Variants in EP300 observed in about 807,000 individuals in gnomAD.
EP300 encodes the protein histone acetyltransferase p300.
In EP300, 31 loss-of-function variants were observed where a neutral mutation model predicts 264.0. The ratio of observed to expected loss-of-function variants is 0.12; its 90% CI spans 0.09 to 0.16. The LOEUF (loss-of-function observed/expected upper bound fraction) is 0.16, where lower values mean the gene tolerates loss of function less well. Among genes scored for constraint, EP300 ranks in the 10% least tolerant of loss-of-function variants. The probability of loss-of-function intolerance (pLI) is 1.00; values close to 1 mark genes in which losing one functional copy is unlikely to be tolerated. For missense variants in EP300, 2,766 were observed against 3,052.9 expected (o/e 0.91, Z 2.21); for synonymous variants, 1,340 against 1,045.4 (o/e 1.28, Z -5.44).
At chr22:41,096,949 G>A (rs1339714752) in intron 1 of EP300, among the ~76,000 whole-genome samples, 1 of 152,102 alleles carries the variant, frequency 6.6e-6, no homozygotes, top group African/African-American at 2.4e-5. Flanking sequence ...ATGCCATTGT[G>A]TTAGTGGTTC....
In EP300 at chr22:41,099,158, G is replaced by A. The variant is rs146099290; in HGVS notation, c.94+6060G>A. Among the ~76,000 whole-genome samples the A allele has an allele frequency of 6.9e-3, 1,049 of 151,974 alleles. 3 individuals are homozygous for A. The highest frequency in any genetic ancestry group is 0.011 in the Non-Finnish European group (779 of 67,982). On this transcript the variant is annotated intron_variant, in intron 1 of 30. Coordinates refer to ENST00000263253, the MANE Select transcript of EP300 (RefSeq NM_001429.4). ...CGGCCTATGACAACCTCCGTCTCCC[G>A]GCTTCAAGCGATTCTCCTGCTCAGC...
intron 16 of EP300, among the ~76,000 whole-genome samples, chr22:41,154,792 A>G (rs1425460977): frequency 6.6e-6 from 1 of 152,140 alleles, no homozygotes; most frequent in Admixed American, 6.5e-5. Flanking sequence ...ATAAGACACA[A>G]TGTTTTTTAG....
chr22:41,138,053 A>C (rs2058962021), intron 8 of EP300, among the ~76,000 whole-genome samples: 2 of 152,232 alleles, frequency 1.3e-5, no homozygotes, highest in Admixed American at 1.3e-4. Context: ...TATATTAAAC[A>C]TTGTTTTTAG....
At position 41,140,325 on chromosome 22, in the gene EP300, A is replaced by G. The variant is rs1281069474; in HGVS notation, c.1878+68A>G. 5.7e-6 allele frequency: 6 copies of G among 1,045,216 alleles called. No homozygotes were observed. In the Admixed American group the frequency reaches 8.4e-5, roughly 15 times the overall value. 64.7% of individuals were successfully genotyped at this position (1,045,216 alleles called of 1,614,324 possible). ...TGTTGTGGTTATTTTATTCCTCTTTAGCATGTACAAGTAGTACATATGCTT... is the reference window on the plus strand; with the variant it reads ...TGTTGTGGTTATTTTATTCCTCTTTGGCATGTACAAGTAGTACATATGCTT... On this transcript the variant is annotated intron_variant, in intron 9 of 30. Coordinates refer to ENST00000263253, the MANE Select transcript of EP300 (RefSeq NM_001429.4).
chr22:41,131,570 AAGAACCAGC>A lies in EP300; in HGVS notation c.1470_1478del (p.Asn493_Gln495del), dbSNP rs1279679956. 2.5e-6 allele frequency: 4 copies of A among 1,614,016 alleles called. No individual in the cohort carries two copies. The highest frequency in any genetic ancestry group is 1.3e-5 in the African/African-American group (1 of 74,908). The stretch of plus-strand genomic sequence containing the variant: ...GCCGACACAACCCCAGGTGCAAGCA[AAGAACCAGC>A]AGAATCAGCAGCCTGGGCAGTCTCC... On this transcript the variant is annotated inframe_deletion, in exon 6 of 31. Coordinates refer to ENST00000263253, the MANE Select transcript of EP300 (RefSeq NM_001429.4).
At chr22:41,109,625 T>G (rs1284627149) in intron 1 of EP300, among the ~76,000 whole-genome samples, 4 of 152,278 alleles carry the variant, frequency 2.6e-5, no homozygotes, top group African/African-American at 9.6e-5. Context: ...TCTAAACACT[T>G]TACATTTATT....
chr22:41,134,166 T>TC (rs994470296), intron 6 of EP300, among the ~76,000 whole-genome samples: 5 of 149,946 alleles, frequency 3.3e-5, no homozygotes, highest in African/African-American at 1.2e-4. Flanking sequence ...TTCTTTTCTT[T>TC]TTTTTTTTTT....
chr22:41,106,628 G>C (rs982148707), intron 1 of EP300, among the ~76,000 whole-genome samples: 3 of 152,146 alleles, frequency 2.0e-5, no homozygotes, highest in Non-Finnish European at 4.4e-5. Flanking sequence ...AACATTAAGT[G>C]TTTTTTGTTG....
At position 41,172,555 on chromosome 22, in the gene EP300, T is replaced by C. The variant is rs373428278; in HGVS notation, c.4509T>C (p.Tyr1503=). Reference sequence around the variant, plus strand: ...TAACAAGTGCAAAGGAATTGCCTTATTTCGAGGGTGATTTCTGGCCCAATG... The same window carrying C: ...TAACAAGTGCAAAGGAATTGCCTTACTTCGAGGGTGATTTCTGGCCCAATG... ...DRLTSAKELP[Y]FEGDFWPNVL... is the part of the protein sequence containing the mutation. Residue 1503 remains tyrosine, a synonymous_variant, in exon 28 of 31, where the codon TAT becomes TAC. Transcript: ENST00000263253. The C allele has an allele frequency of 3.4e-5, 55 of 1,613,932 alleles. No individual in the cohort carries two copies. The highest frequency in any genetic ancestry group is 4.6e-5 in the Non-Finnish European group (54 of 1,179,976).
At position 41,155,052 on chromosome 22, in the gene EP300, G is replaced by A. The variant is rs2059069219; in HGVS notation, c.3200G>A (p.Arg1067His). 1.9e-6 allele frequency: 3 copies of A among 1,613,942 alleles called. No homozygotes were observed. Among genetic ancestry groups the A allele is most frequent in the Non-Finnish European group, 2.5e-6 (3 of 1,179,960 alleles). The change falls in exon 17 of 31, where the codon CGT becomes CAT. Residue 1067 changes from arginine (R) to histidine (H), a missense_variant. Arg to His is a conservative substitution (Grantham distance 29, BLOSUM62 0). Transcript: ENST00000263253. ...ATGCCAACTTTGGAGGCACTTTACC[G>A]TCAGGATCCAGAATCCCTTCCCTTT... Reference protein sequence around the residue: ...ALMPTLEALYRQDPESLPFRQ... With the variant: ...ALMPTLEALYHQDPESLPFRQ...
At chr22:41,152,995 AT>A (rs2059055876) in intron 16 of EP300, among the ~76,000 whole-genome samples, 1 of 152,068 alleles carries the variant, frequency 6.6e-6, no homozygotes, top group African/African-American at 2.4e-5. Context: ...TGACCTGGTG[AT>A]CCACCCGCTT....
intron 1 of EP300, among the ~76,000 whole-genome samples, chr22:41,109,909 GCTCAAGCAATTCTCCTGCCCCGGC>G (rs2058779487): frequency 6.6e-6 from 1 of 151,766 alleles, no homozygotes; most frequent in Admixed American, 6.6e-5. Flanking sequence ...TGCCTCCCGG[GCTCAAGCAATTCTCCTGCCCCGGC>G]CTCCTGAGTA....
chr22:41,157,546 G>A (rs2085804226), intron 18 of EP300, 138 bp downstream of exon 18: 3 of 1,046,734 alleles, frequency 2.9e-6, no homozygotes, highest in Non-Finnish European at 4.1e-6. Flanking sequence ...CTTTTTGACA[G>A]GGTCTTATTC....
chr22:41,131,845 G>A (rs2058921648), intron 6 of EP300, among the ~76,000 whole-genome samples: 2 of 151,924 alleles, frequency 1.3e-5, no homozygotes, highest in South Asian at 4.1e-4. Flanking sequence ...TGCATTATAT[G>A]AGTTCAGATT....
At chr22:41,129,018 G>GTTT (rs545122020) in intron 4 of EP300, among the ~76,000 whole-genome samples, 2 of 147,474 alleles carry the variant, frequency 1.4e-5, no homozygotes, top group African/African-American at 5.0e-5. Context: ...TAAAAACACA[G>GTTT]TTTTTTTTTT....
In EP300 at chr22:41,178,404, G is replaced by A. The variant is rs1411994052; in HGVS notation, c.6693G>A (p.Met2231Ile). ...PQQQQRMQHH[M>I]QQMQQGNMGQ... ...AGCAGCAGCGGATGCAGCATCACAT[G>A]CAACAGATGCAACAAGGAAATATGG... is the stretch of plus-strand genomic sequence containing the variant. Residue 2231 changes from methionine (M) to isoleucine (I), a missense_variant, in exon 31 of 31, where the codon ATG (methionine) becomes ATA (isoleucine). By Grantham distance (10) the Met-to-Ile change is conservative. Coordinates refer to ENST00000263253, the MANE Select transcript of EP300 (RefSeq NM_001429.4). 5 of 1,614,028 alleles carry A rather than the reference G, an allele frequency of 3.1e-6. No homozygotes were observed. Among genetic ancestry groups the A allele is most frequent in the Non-Finnish European group, 4.2e-6 (5 of 1,180,042 alleles).
intron 1 of EP300, among the ~76,000 whole-genome samples, chr22:41,111,506 A>G (rs1393391933): frequency 6.6e-6 from 1 of 152,092 alleles, no homozygotes; most frequent in Non-Finnish European, 1.5e-5. Context: ...TCTACAGACA[A>G]TAAGTTTTGT....
intron 10 of EP300, among the ~76,000 whole-genome samples, chr22:41,143,823 C>T (rs2058996152): frequency 6.6e-6 from 1 of 152,192 alleles, no homozygotes; most frequent in Non-Finnish European, 1.5e-5. Flanking sequence ...AAGTGATCCG[C>T]GTACCTTGGT....
intron 23 of EP300, among the ~76,000 whole-genome samples, chr22:41,166,899 C>T (rs1000753455): frequency 2.6e-5 from 4 of 152,176 alleles, no homozygotes; most frequent in Non-Finnish European, 4.4e-5. Context: ...CGTGTTTTTC[C>T]TGTTCCTATA....
Sources: gnomAD v4.1 joint callset for allele counts (sites outside exome capture counted in the v4.1 genomes callset) on GRCh38, gnomAD v4.1.1 for gene constraint, MANE v1.5 for transcripts, NCBI Gene and HGNC (gene_info 2026-07-23, HGNC 2026-07-21) for gene names.